Variants in GAB2 observed in about 807,000 individuals in gnomAD.
GAB2 encodes the protein GRB2-associated-binding protein 2.
In GAB2, 26 loss-of-function variants were observed where a neutral mutation model predicts 65.5. The ratio of observed to expected loss-of-function variants is 0.40; its 90% CI spans 0.29 to 0.55. GAB2 has a LOEUF of 0.55. GAB2 is among the 20% of genes least tolerant of loss of function. The pLI is 0.53. For missense variants in GAB2, 884 were observed against 875.8 expected, an observed-to-expected ratio of 1.01 and a Z score of -0.12; for synonymous variants, 321 against 329.6, an observed-to-expected ratio of 0.97 and a Z score of 0.28.
At chr11:78,374,346 T>C (rs530607783) in intron 1 of GAB2, among the ~76,000 whole-genome samples, 2 of 152,342 alleles carry the variant, frequency 1.3e-5, no homozygotes, top group South Asian at 2.1e-4. Flanking sequence ...GGTTTCACTT[T>C]TGTCGAGCCA....
intron 1 of GAB2, among the ~76,000 whole-genome samples, chr11:78,350,768 C>A (rs1193927505): frequency 6.6e-6 from 1 of 152,212 alleles, no homozygotes; most frequent in Non-Finnish European, 1.5e-5. Flanking sequence ...TTTGCTTCCC[C>A]TTCACACACG....
intron 1 of GAB2, among the ~76,000 whole-genome samples, chr11:78,310,192 T>C (rs1336121364): frequency 6.6e-6 from 1 of 151,896 alleles, no homozygotes; most frequent in Non-Finnish European, 1.5e-5. Context: ...AGAATTCCTA[T>C]TATTTCTGCA....
intron 1 of GAB2, among the ~76,000 whole-genome samples, chr11:78,381,305 GTTTGA>G (rs1354978598): frequency 2.6e-5 from 4 of 151,946 alleles, no homozygotes; most frequent in Non-Finnish European, 5.9e-5. Flanking sequence ...CTAACTTTAG[GTTTGA>G]TTTGAGGATT....
At chr11:78,303,223 CT>C (rs75543762) in intron 1 of GAB2, among the ~76,000 whole-genome samples, 44,896 of 151,696 alleles carry the variant, frequency 0.3, 8,589 homozygotes, top group African/African-American at 0.54. Context: ...ATGGTTTAGG[CT>C]TTTTTTTGTG....
At chr11:78,360,078 G>A (rs1856413496) in intron 1 of GAB2, among the ~76,000 whole-genome samples, 1 of 152,160 alleles carries the variant, frequency 6.6e-6, no homozygotes, top group African/African-American at 2.4e-5. Flanking sequence ...CATGGGCAGA[G>A]ATTGGAGTGA....
At chr11:78,327,456 T>G (rs1444886911) in intron 1 of GAB2, among the ~76,000 whole-genome samples, 2 of 152,216 alleles carry the variant, frequency 1.3e-5, no homozygotes, top group Non-Finnish European at 2.9e-5. Context: ...AAACAGATTT[T>G]GGGGCCAAGA....
At chr11:78,226,315 TG>T in intron 4 of GAB2, 149 bp downstream of exon 4, 1 of 655,660 alleles carries the variant, frequency 1.5e-6, no homozygotes, top group Non-Finnish European at 2.7e-6. Flanking sequence ...GTAAGGGATC[TG>T]GGTAGAAGAC....
At chr11:78,397,968 T>C (rs1480735659) in intron 1 of GAB2, among the ~76,000 whole-genome samples, 1 of 151,586 alleles carries the variant, frequency 6.6e-6, no homozygotes, top group Non-Finnish European at 1.5e-5. Context: ...AGAGGAGCAC[T>C]TGAGCTCAGG....
intron 1 of GAB2, among the ~76,000 whole-genome samples, chr11:78,321,245 G>T (rs141027727): frequency 2.3e-4 from 35 of 152,282 alleles, no homozygotes; most frequent in African/African-American, 8.4e-4. Context: ...TGTGAGAGAG[G>T]AAAGAAGGGG....
intron 1 of GAB2, among the ~76,000 whole-genome samples, chr11:78,412,991 G>C (rs1460817560): frequency 6.6e-6 from 1 of 152,176 alleles, no homozygotes; most frequent in Non-Finnish European, 1.5e-5. Context: ...AGTGGGTGAC[G>C]GGGAGTCAAA....
intron 1 of GAB2, among the ~76,000 whole-genome samples, chr11:78,293,268 T>C (rs1866729726): frequency 6.6e-6 from 1 of 152,190 alleles, no homozygotes; most frequent in Admixed American, 6.5e-5. Context: ...ACTTATTTGC[T>C]CCTCGGGCAC....
chr11:78,407,322 T>C (rs2135090470), intron 1 of GAB2, among the ~76,000 whole-genome samples: 1 of 152,048 alleles, frequency 6.6e-6, no homozygotes, highest in East Asian at 1.9e-4. Context: ...AAAAAAATCA[T>C]TGAACGCATC....
chr11:78,253,219 C>G (rs1372705510), intron 2 of GAB2, among the ~76,000 whole-genome samples: 1 of 151,982 alleles, frequency 6.6e-6, no homozygotes, highest in Non-Finnish European at 1.5e-5. Context: ...CCATGTTGGC[C>G]AGGATGGTCT....
chr11:78,342,510 G>A (rs933459240), intron 1 of GAB2, among the ~76,000 whole-genome samples: 12 of 144,896 alleles, frequency 8.3e-5, no homozygotes, highest in Non-Finnish European at 1.0e-4. Flanking sequence ...CCGGTTTCAC[G>A]CCATTCTTCT....
chr11:78,309,971 T>TGCACGC (rs1554987066), intron 1 of GAB2, among the ~76,000 whole-genome samples: 40 of 120,174 alleles, frequency 3.3e-4, no homozygotes, highest in African/African-American at 1.4e-3. Context: ...TGTGTGTGTG[T>TGCACGC]GCGCGCGCGC....
chr11:78,403,883 A>G, intron 1 of GAB2, among the ~76,000 whole-genome samples: 1 of 152,228 alleles, frequency 6.6e-6, no homozygotes, highest in East Asian at 1.9e-4. Context: ...GCTCAAAGTC[A>G]TATATGCTGG....
intron 1 of GAB2, among the ~76,000 whole-genome samples, chr11:78,284,962 A>G (rs1008617266): frequency 1.3e-5 from 2 of 152,230 alleles, no homozygotes; most frequent in African/African-American, 2.4e-5. Context: ...CTGGTGCCCA[A>G]TAAGCCTTAG....
In GAB2 at chr11:78,282,330, G is replaced by A. The variant is rs1199583130; in HGVS notation, c.76-1429C>T. 1.3e-5 allele frequency among the ~76,000 whole-genome samples: 2 copies of A among 148,452 alleles called. 1 individual carries two copies. The highest frequency in any genetic ancestry group is 7.0e-3 in the Middle Eastern group (2 of 286). The stretch of plus-strand genomic sequence containing the variant: ...GTGAATTTTTTTTTTTTTTTGAGAC[G>A]GAGTTTCGCTCTGTCACCCAGGCTG... On this transcript the variant is annotated intron_variant, in intron 1 of 9. Transcript: ENST00000361507.
intron 3 of GAB2, among the ~76,000 whole-genome samples, chr11:78,230,920 A>T (rs533136101): frequency 2.6e-4 from 40 of 152,312 alleles, no homozygotes; most frequent in Non-Finnish European, 5.3e-4. Flanking sequence ...TGTCACTGTG[A>T]TGACCTGAGT....
Sources: allele counts gnomAD v4.1 joint callset (sites outside exome capture counted in the v4.1 genomes callset), GRCh38; gene constraint gnomAD v4.1.1; transcripts MANE v1.5; gene names NCBI Gene and HGNC (gene_info 2026-07-23, HGNC 2026-07-21).